Variants in CYP3A5 observed in about 807,000 individuals in gnomAD.
The protein encoded by CYP3A5 is cytochrome P450 family 3 subfamily A member 5, also known as cytochrome P450 3A5.
A neutral mutation model predicts 55.9 loss-of-function variants in CYP3A5; 51 were observed. The observed-to-expected ratio is 0.91, with a 90% CI of 0.73 to 1.15. The LOEUF (loss-of-function observed/expected upper bound fraction) is 1.15, where lower values mean the gene tolerates loss of function less well. Ranked by LOEUF, CYP3A5 falls within the 50% of genes most tolerant of loss-of-function variation. The pLI is 0.00. For synonymous variants in CYP3A5, 196 were observed against 213.9 expected, an observed-to-expected ratio of 0.92 and a Z score of 0.73; for missense variants, 533 against 596.6, an observed-to-expected ratio of 0.89 and a Z score of 1.11.
intron 3 of CYP3A5, 39 bp from the exon 4 acceptor site, chr7:99,672,718 C>A: frequency 1.9e-6 from 3 of 1,612,100 alleles, no homozygotes; most frequent in Non-Finnish European, 2.5e-6. Context: ...CTTCACTAGC[C>A]CGATTCTGCA....
chr7:99,674,461 G>A, intron 3 of CYP3A5, 72 bp downstream of exon 3: 1 of 1,219,122 alleles, frequency 8.2e-7, no homozygotes. Flanking sequence ...GACCTGGGCA[G>A]AGACTATCCT....
intron 4 of CYP3A5, among the ~76,000 whole-genome samples, chr7:99,667,799 A>G (rs1042528572): frequency 3.3e-5 from 5 of 152,192 alleles, no homozygotes; most frequent in African/African-American, 4.8e-5. Context: ...CCTTCATTTG[A>G]TAAAGACAAT....
intron 8 of CYP3A5, chr7:99,663,280 C>T (rs1810627407): frequency 2.0e-6 from 2 of 1,002,964 alleles, no homozygotes; most frequent in Admixed American, 5.3e-5. Flanking sequence ...AATCTCCTGA[C>T]ATTTCCAGAA....
rs142088843 is a variant in CYP3A5 at position 99,662,205 on chromosome 7, G to A, written c.865+611C>T. On this transcript the variant is annotated intron_variant, in intron 9 of 12. Transcript: ENST00000222982. The surrounding 1 kb of genome is among the most constrained non-coding windows in gnomAD (Gnocchi z 4.3). The stretch of plus-strand genomic sequence containing the variant: ...TATTCAAAAATTTTGTGAGATGGTT[G>A]CCAAATCTTGGTAGCTTGAAATTGA... Among the ~76,000 whole-genome samples, 238 of 152,296 alleles carry A rather than the reference G, an allele frequency of 1.6e-3. No individual in the cohort carries two copies. The highest frequency in any genetic ancestry group is 5.4e-3 in the African/African-American group (223 of 41,564).
At position 99,648,376 on chromosome 7, in the gene CYP3A5, C is replaced by A; in HGVS notation, c.1438G>T (p.Gly480Ter). 1.2e-6 allele frequency: 2 copies of A among 1,611,640 alleles called. No homozygotes were observed. The highest frequency in any genetic ancestry group is 1.1e-5 in the South Asian group (1 of 90,802). Residue 480 changes from glycine to a stop codon, truncating the protein, a stop_gained, in exon 13 of 13, where the codon GGA becomes TGA. Coordinates refer to ENST00000222982, the MANE Select transcript of CYP3A5 (RefSeq NM_000777.5). LOFTEE classifies it low-confidence loss of function (END_TRUNC). ...TQIPLKLDTQGLLQPEKPIVL... is the reference protein window; with the variant it reads ...TQIPLKLDTQ ...ATGGGTTTTTCTGGTTGAAGAAGTC[C>A]TTGCGTGTCTAATTTCAAGGGGATC...
rs1475035230 is a variant in CYP3A5, at chr7:99,653,796, T to C, written c.1027-1017A>G. On this transcript the variant is annotated intron_variant, in intron 10 of 12. Transcript: ENST00000222982. The surrounding 1 kb of genome is among the most constrained non-coding windows in gnomAD (Gnocchi z 4.2). ...GCAGAAGTCTGAAAACTGTGGATGATATGTACCTAGCACTTGGTGTTATAT... is the reference window on the plus strand; with the variant it reads ...GCAGAAGTCTGAAAACTGTGGATGACATGTACCTAGCACTTGGTGTTATAT... Among the ~76,000 whole-genome samples the C allele has an allele frequency of 6.6e-6, 1 of 152,202 alleles. No individual in the cohort carries two copies. The highest frequency in any genetic ancestry group is 1.5e-5 in the Non-Finnish European group (1 of 68,036).
chr7:99,660,538 C>T lies in CYP3A5; in HGVS notation c.987G>A (p.Gln329=). ...YELATHPDVQ[Q]KLQKEIDAVL... ...CTGCATCAATCTCCTTTTGCAGTTT[C>T]TGCTGGACATCAGGGTGAGTGGCCA... Residue 329 remains glutamine, a synonymous_variant, in exon 10 of 13, where the codon CAG becomes CAA. Transcript: ENST00000222982. 6.2e-7 allele frequency: 1 copy of T among 1,613,714 alleles called. No homozygotes were observed. The highest frequency in any genetic ancestry group is 2.2e-5 in the East Asian group (1 of 44,854).
chr7:99,665,933 A>C (rs1810966460), intron 6 of CYP3A5, among the ~76,000 whole-genome samples: 1 of 152,230 alleles, frequency 6.6e-6, no homozygotes, highest in African/African-American at 2.4e-5. Context: ...GGTTAAAAAA[A>C]ATAGATCTCT....
intron 10 of CYP3A5, among the ~76,000 whole-genome samples, chr7:99,657,630 G>A (rs1250704869): frequency 4.6e-5 from 7 of 152,120 alleles, no homozygotes; most frequent in Non-Finnish European, 7.4e-5. Flanking sequence ...TCAATTCCTG[G>A]ATATCCTTCT....
At chr7:99,673,786 G>A (rs1811943012) in intron 3 of CYP3A5, among the ~76,000 whole-genome samples, 1 of 152,116 alleles carries the variant, frequency 6.6e-6, no homozygotes, top group Non-Finnish European at 1.5e-5. Context: ...GTGATAAAAG[G>A]GCACCTAAGG....
chr7:99,654,391 T>A (rs1438584518), intron 10 of CYP3A5, among the ~76,000 whole-genome samples: 2 of 152,190 alleles, frequency 1.3e-5, no homozygotes, highest in Non-Finnish European at 2.9e-5. Flanking sequence ...TTCATCCATG[T>A]CTCTACAAAG....
chr7:99,656,417 C>G (rs543439077), intron 10 of CYP3A5, among the ~76,000 whole-genome samples: 1 of 152,270 alleles, frequency 6.6e-6, no homozygotes, highest in African/African-American at 2.4e-5. Context: ...AGCCTTGCAT[C>G]CCAGGGATGA....
At chr7:99,652,363 G>A in intron 11 of CYP3A5, 190 bp downstream of exon 11, 1 of 477,840 alleles carries the variant, frequency 2.1e-6, no homozygotes, top group Non-Finnish European at 3.7e-6. Context: ...TGCTGGGACT[G>A]TGGATGGATG....
At position 99,656,180 on chromosome 7, in the gene CYP3A5, A is replaced by C. The variant is rs191456433; in HGVS notation, c.1027-3401T>G. Among the ~76,000 whole-genome samples the C allele has an allele frequency of 5.0e-3, 762 of 152,320 alleles. 3 individuals are homozygous for C. Among genetic ancestry groups the C allele is most frequent in the Non-Finnish European group, 7.9e-3 (535 of 68,034 alleles). ...GCCAGTTTTCAAAGGGAATGATTCC[A>C]GTTTTTGTCCATTCAGTATGATATT... is the stretch of plus-strand genomic sequence containing the variant. On this transcript the variant is annotated intron_variant, in intron 10 of 12. Coordinates refer to ENST00000222982, the MANE Select transcript of CYP3A5 (RefSeq NM_000777.5).
chr7:99,671,684 G>T, intron 4 of CYP3A5: 1 of 616,090 alleles, frequency 1.6e-6, no homozygotes, highest in South Asian at 2.0e-5. Context: ...AGGATTTTCA[G>T]ACTTAACACC....
chr7:99,649,966 T>C (rs1418661932), intron 12 of CYP3A5, 107 bp downstream of exon 12: 15 of 1,388,124 alleles, frequency 1.1e-5, no homozygotes, highest in East Asian at 2.5e-5. Context: ...GTAGGTTCTT[T>C]GGCCCATAGA....
chr7:99,673,645 C>T (rs1173963347), intron 3 of CYP3A5, among the ~76,000 whole-genome samples: 1 of 152,188 alleles, frequency 6.6e-6, no homozygotes, highest in Non-Finnish European at 1.5e-5. Flanking sequence ...CTCAACCCTT[C>T]TTTCAAAAGC....
Position 99,658,719 on chromosome 7 carries a change from C to T in CYP3A5, c.1026+1780G>A, listed in dbSNP as rs544709465. ...TTCTCCCCGTCACTTTCAGGTACAC[C>T]AATCAGACGTAGATTTGGTCTTTTC... On this transcript the variant is annotated intron_variant, in intron 10 of 12. Coordinates refer to ENST00000222982, the MANE Select transcript of CYP3A5 (RefSeq NM_000777.5). 11 of 152,332 alleles carry T rather than the reference C, an allele frequency of 7.2e-5. No individual in the cohort carries two copies. In the South Asian group the frequency reaches 2.3e-3, roughly 32 times the overall value. 9.4% of individuals were successfully genotyped at this position (152,332 alleles called of 1,614,324 possible).
intron 3 of CYP3A5, 132 bp from the exon 4 acceptor site, chr7:99,672,811 T>C: frequency 6.6e-7 from 1 of 1,510,610 alleles, no homozygotes; most frequent in Non-Finnish European, 8.8e-7. Flanking sequence ...ACAGCAACCT[T>C]AGGTTCTAGT....
Sources: allele counts gnomAD v4.1 joint callset (sites outside exome capture counted in the v4.1 genomes callset), GRCh38; gene constraint gnomAD v4.1.1; non-coding constraint Gnocchi (gnomAD v3.1); transcripts MANE v1.5; gene names NCBI Gene and HGNC (gene_info 2026-07-23, HGNC 2026-07-21).